ANKRD28: variants seen among roughly 807,000 people sequenced by gnomAD.
ANKRD28 encodes serine/threonine-protein phosphatase 6 regulatory ankyrin repeat subunit A.
Under a neutral mutation model 126.5 loss-of-function variants are expected in ANKRD28, and 44 were observed. The observed-to-expected ratio is 0.35, with a 90% confidence interval of 0.27 to 0.45. The LOEUF is 0.45. Among genes scored for constraint, ANKRD28 ranks in the 20% least tolerant of loss-of-function variants. ANKRD28 has a pLI of 1.00. For missense variants in ANKRD28, 1,110 were observed against 1,316.6 expected (o/e 0.84, Z 2.43); for synonymous variants, 442 against 468.5 (o/e 0.94, Z 0.73).
At chr3:15,736,943 T>G in intron 5 of ANKRD28, 90 bp downstream of exon 5, 1 of 1,278,128 alleles carries the variant, frequency 7.8e-7, no homozygotes, top group South Asian at 1.3e-5. Flanking sequence ...TAGTTCTGTA[T>G]GCCTTTACTA....
intron 3 of ANKRD28, among the ~76,000 whole-genome samples, chr3:15,761,763 T>G (rs2058468675): frequency 6.6e-6 from 1 of 152,204 alleles, no homozygotes; most frequent in Non-Finnish European, 1.5e-5. Context: ...ATATCTTCTG[T>G]AAAACTGTCC....
At chr3:15,783,403 G>A (rs933206082) in intron 2 of ANKRD28, among the ~76,000 whole-genome samples, 5 of 151,942 alleles carry the variant, frequency 3.3e-5, no homozygotes, top group African/African-American at 1.2e-4. Context: ...GAAAATTTAG[G>A]ATTCTCATAT....
At position 15,737,312 on chromosome 3, in the gene ANKRD28, G is replaced by T. The variant is rs77561154; in HGVS notation, c.352-79C>A. On this transcript the variant is annotated intron_variant, in intron 4 of 27. Transcript: ENST00000683139. ...ATTTCTATATATAGTGTGCGTGTGT[G>T]TGTATAAATATGTATCTACATATGA... 6,555 of 1,215,000 alleles carry T rather than the reference G, an allele frequency of 5.4e-3. 256 individuals are homozygous for T. In the African/African-American group the frequency reaches 0.084, roughly 16 times the overall value. 75.3% of individuals were successfully genotyped at this position (1,215,000 alleles called of 1,614,324 possible). A position where few individuals can be genotyped will look rare whatever the true frequency, so the allele number is the denominator to read the frequency against.
intron 6 of ANKRD28, among the ~76,000 whole-genome samples, chr3:15,726,673 T>A (rs554145313): frequency 6.6e-6 from 1 of 152,196 alleles, no homozygotes; most frequent in Non-Finnish European, 1.5e-5. Flanking sequence ...CTAAAAGATA[T>A]AAGATTATTA....
intron 1 of ANKRD28, among the ~76,000 whole-genome samples, chr3:15,811,674 T>C (rs1049809872): frequency 2.0e-5 from 3 of 152,054 alleles, no homozygotes; most frequent in African/African-American, 7.2e-5. Flanking sequence ...AGGATGGTCT[T>C]GATCTCTTGA....
chr3:15,806,764 C>T (rs1428116551), intron 1 of ANKRD28, among the ~76,000 whole-genome samples: 1 of 152,132 alleles, frequency 6.6e-6, no homozygotes. Context: ...TCAGGTGATT[C>T]GCCCACCTCG....
intron 13 of ANKRD28, among the ~76,000 whole-genome samples, chr3:15,708,866 TTC>T (rs1227154006): frequency 6.6e-6 from 1 of 152,192 alleles, no homozygotes; most frequent in African/African-American, 2.4e-5. Flanking sequence ...TTGACATATA[TTC>T]ACACATTTTC....
chr3:15,713,395 A>G lies in ANKRD28; in HGVS notation c.1190+132T>C, dbSNP rs898058898. On this transcript the variant is annotated intron_variant, in intron 10 of 27. Coordinates refer to ENST00000683139, the MANE Select transcript of ANKRD28 (RefSeq NM_001349278.2). ...TTTAACCTACCACTTTGTCAATACA[A>G]AAGAAAGTTCAAGCAATTAATACAA... is the stretch of plus-strand genomic sequence containing the variant. 3 of 656,804 alleles carry G rather than the reference A, an allele frequency of 4.6e-6. No homozygotes were observed. In the African/African-American group the frequency reaches 5.7e-5, roughly 12 times the overall value. 40.7% of individuals were successfully genotyped at this position (656,804 alleles called of 1,614,324 possible).
At chr3:15,700,420 G>A (rs563374978) in intron 14 of ANKRD28, among the ~76,000 whole-genome samples, 2 of 151,300 alleles carry the variant, frequency 1.3e-5, no homozygotes, top group South Asian at 2.1e-4. Flanking sequence ...AAACCTGCAC[G>A]TTGTGCACAT....
intron 7 of ANKRD28, 97 bp from the exon 8 acceptor site, chr3:15,721,224 A>G (rs1027847077): frequency 4.1e-5 from 41 of 988,716 alleles, no homozygotes; most frequent in East Asian, 7.2e-5. Context: ...TCAAATTACT[A>G]AAGTGAGAAA....
At chr3:15,681,082 C>T (rs928624964) in intron 21 of ANKRD28, among the ~76,000 whole-genome samples, 10 of 152,138 alleles carry the variant, frequency 6.6e-5, no homozygotes, top group African/African-American at 2.4e-4. Context: ...GTCCAGGACT[C>T]CCCACTGACA....
At chr3:15,756,439 A>T in intron 3 of ANKRD28, 6 of 929,902 alleles carry the variant, frequency 6.5e-6, no homozygotes, top group Non-Finnish European at 7.7e-6. Context: ...GCTATTCGGA[A>T]ATAAAACATA....
intron 4 of ANKRD28, among the ~76,000 whole-genome samples, chr3:15,743,063 T>C (rs1230499285): frequency 2.0e-5 from 3 of 152,102 alleles, no homozygotes; most frequent in Non-Finnish European, 4.4e-5. Context: ...ATCCTGTTGA[T>C]CGGTGACCCT....
At position 15,797,365 on chromosome 3, in the gene ANKRD28, C is replaced by A; in HGVS notation, c.-844G>T. 1.0e-6 allele frequency: 1 copy of A among 985,300 alleles called. No individual in the cohort carries two copies. The highest frequency in any genetic ancestry group is 1.2e-6 in the Non-Finnish European group (1 of 829,912). 61.0% of individuals were successfully genotyped at this position (985,300 alleles called of 1,614,324 possible). A position where few individuals can be genotyped will look rare whatever the true frequency, so the allele number is the denominator to read the frequency against. ...TAGAAGAAACACAGTTAGCTTTATT[C>A]CCATCGATAGCATAAGCAAGGCAGA... is the stretch of plus-strand genomic sequence containing the variant. On this transcript the variant is annotated 5_prime_UTR_variant, in exon 1 of 28. An upstream open reading frame in the 5' UTR gains an earlier in-frame stop. Coordinates refer to ENST00000683139, the MANE Select transcript of ANKRD28 (RefSeq NM_001349278.2).
chr3:15,707,272 G>GT (rs2071585476), intron 14 of ANKRD28, among the ~76,000 whole-genome samples: 1 of 151,912 alleles, frequency 6.6e-6, no homozygotes, highest in African/African-American at 2.4e-5. Context: ...AAAAAAATAT[G>GT]TATCAAGGTA....
chr3:15,786,039 C>T lies in ANKRD28; in HGVS notation c.201+9184G>A, dbSNP rs547260654. 9.2e-5 allele frequency among the ~76,000 whole-genome samples: 14 copies of T among 151,844 alleles called. 1 individual carries two copies. The South Asian group carries it at 1.5e-3, about 16-fold the overall frequency. ...AATTACCAGGGACTGGGGGGAAGAA[C>T]GAATAGAGGGTGCACAGAGGATACG... On this transcript the variant is annotated intron_variant, in intron 2 of 27. Coordinates refer to ENST00000683139, the MANE Select transcript of ANKRD28 (RefSeq NM_001349278.2).
chr3:15,726,202 T>C (rs1050532002), intron 6 of ANKRD28, among the ~76,000 whole-genome samples: 3 of 152,148 alleles, frequency 2.0e-5, no homozygotes, highest in Admixed American at 2.0e-4. Context: ...TGAAAGACAG[T>C]TGCATACCTC....
chr3:15,797,839 G>T lies in ANKRD28; in HGVS notation c.-1318C>A. 1.0e-6 allele frequency: 1 copy of T among 985,306 alleles called. No individual in the cohort carries two copies. Among genetic ancestry groups the T allele is most frequent in the Non-Finnish European group, 1.2e-6 (1 of 829,926 alleles). 61.0% of individuals were successfully genotyped at this position (985,306 alleles called of 1,614,324 possible). ...CACCACTGACATCCCCAAATGAGTA[G>T]GTCCTTAAAAAATATCTATAGAACC... is the stretch of plus-strand genomic sequence containing the variant. On this transcript the variant is annotated 5_prime_UTR_variant, in exon 1 of 28. Coordinates refer to ENST00000683139, the MANE Select transcript of ANKRD28 (RefSeq NM_001349278.2).
chr3:15,763,048 T>C (rs962096689), intron 3 of ANKRD28, among the ~76,000 whole-genome samples: 5 of 152,094 alleles, frequency 3.3e-5, no homozygotes, highest in African/African-American at 9.7e-5. Flanking sequence ...TATTTCTTTA[T>C]TTTTTTTGTT....
Sources: gnomAD v4.1 joint callset for allele counts (sites outside exome capture counted in the v4.1 genomes callset) on GRCh38, gnomAD v4.1.1 for gene constraint, MANE v1.5 for transcripts, NCBI Gene and HGNC (gene_info 2026-07-23, HGNC 2026-07-21) for gene names.